Variants in TOM1 observed in about 807,000 individuals in gnomAD.
The protein encoded by TOM1 is target of Myb protein 1.
A neutral mutation model predicts 61.3 loss-of-function variants in TOM1; 38 were observed. The ratio of observed to expected loss-of-function variants is 0.62; its 90% CI spans 0.48 to 0.81. TOM1 has a LOEUF of 0.81. Among genes scored for constraint, TOM1 ranks in the 40% least tolerant of loss-of-function variants. TOM1 has a pLI of 0.00. For synonymous variants in TOM1, 270 were observed against 268.8 expected, an observed-to-expected ratio of 1.00 and a Z score of -0.04; for missense variants, 591 against 659.6, an observed-to-expected ratio of 0.90 and a Z score of 1.14.
chr22:35,329,613 C>T (rs1928640400), intron 7 of TOM1, among the ~76,000 whole-genome samples: 1 of 152,182 alleles, frequency 6.6e-6, no homozygotes, highest in African/African-American at 2.4e-5. Context: ...AACTCGAAAT[C>T]GAGGTTTGTG....
intron 9 of TOM1, 63 bp from the exon 10 acceptor site, chr22:35,333,341 T>C: frequency 6.7e-7 from 1 of 1,488,564 alleles, no homozygotes; most frequent in Non-Finnish European, 9.3e-7. Flanking sequence ...CCACAGTGCT[T>C]GGGGCAGAAA....
At chr22:35,343,968 A>G (rs1371425608) in intron 12 of TOM1, among the ~76,000 whole-genome samples, 1 of 148,978 alleles carries the variant, frequency 6.7e-6, no homozygotes, top group African/African-American at 2.5e-5. Context: ...ATCTATACCT[A>G]CACAACCTAC....
intron 6 of TOM1, among the ~76,000 whole-genome samples, chr22:35,324,845 C>G (rs1206934024): frequency 6.6e-6 from 1 of 152,256 alleles, no homozygotes; most frequent in East Asian, 1.9e-4. Flanking sequence ...CCACCACACC[C>G]AGCCAAGAAG....
chr22:35,321,888 C>T, intron 2 of TOM1, 71 bp from the exon 3 acceptor site: 1 of 1,325,582 alleles, frequency 7.5e-7, no homozygotes, highest in Non-Finnish European at 1.1e-6. Context: ...ACTGTTCCAA[C>T]TCTCCAGGGT....
intron 2 of TOM1, among the ~76,000 whole-genome samples, chr22:35,320,293 G>T (rs563938231): frequency 6.6e-6 from 1 of 152,310 alleles, no homozygotes; most frequent in East Asian, 1.9e-4. Flanking sequence ...AGCCTTCAGG[G>T]TGCAAGTGGG....
chr22:35,324,134 C>T (rs1203246878), intron 6 of TOM1, among the ~76,000 whole-genome samples: 1 of 152,228 alleles, frequency 6.6e-6, no homozygotes, highest in African/African-American at 2.4e-5. Context: ...GATCCAAGCT[C>T]ACGTCTGTCT....
intron 12 of TOM1, among the ~76,000 whole-genome samples, chr22:35,342,994 AC>A (rs1930028806): frequency 1.2e-5 from 1 of 82,834 alleles, no homozygotes; most frequent in South Asian, 4.0e-4. Context: ...ACACCTACAC[AC>A]CCCCACACCA....
chr22:35,317,380 G>A (rs527815449), intron 1 of TOM1, among the ~76,000 whole-genome samples: 2 of 152,086 alleles, frequency 1.3e-5, no homozygotes, highest in Admixed American at 6.5e-5. Flanking sequence ...GTAAAGACGG[G>A]GCTTCACCAT....
chr22:35,317,934 G>A lies in TOM1; in HGVS notation c.110G>A (p.Cys37Tyr). 1 of 1,614,106 alleles carries A rather than the reference G, an allele frequency of 6.2e-7. No individual in the cohort carries two copies. The stretch of plus-strand genomic sequence containing the variant: ...GACTGGGCCCTCAACATGGAGATCT[G>A]CGACATCATCAACGAGACGGAGGAA... The part of the protein sequence containing the change: ...SEDWALNMEI[C>Y]DIINETEEGP... The change falls in exon 2 of 15, where the codon TGC becomes TAC. Residue 37 changes from cysteine to tyrosine, a missense_variant. Coordinates refer to ENST00000449058, the MANE Select transcript of TOM1 (RefSeq NM_005488.3).
chr22:35,316,376 C>T (rs576074477), intron 1 of TOM1, among the ~76,000 whole-genome samples: 13 of 152,358 alleles, frequency 8.5e-5, no homozygotes, highest in Middle Eastern at 3.4e-3. Context: ...GTGGTTGACG[C>T]GTGAAGATAG....
At position 35,323,608 on chromosome 22, in the gene TOM1, C is replaced by CA. The variant is rs768268121; in HGVS notation, c.480dup (p.Pro161ThrfsTer24). On this transcript the variant is annotated frameshift_variant, in exon 5 of 15. Coordinates refer to ENST00000449058, the MANE Select transcript of TOM1 (RefSeq NM_005488.3). LOFTEE classifies it high-confidence loss of function. The surrounding 1 kb of genome is among the most constrained non-coding windows in gnomAD (Gnocchi z 4.2). ...CCCATGACTGACCTGGACATGCTGT[C>CA]ACCCATCCACACACCCCAGAGGGTG... 1 of 1,614,116 alleles carries CA rather than the reference C, an allele frequency of 6.2e-7. No homozygotes were observed. The highest frequency in any genetic ancestry group is 8.5e-7 in the Non-Finnish European group (1 of 1,180,032).
At chr22:35,305,570 A>G (rs1416722715) in intron 1 of TOM1, among the ~76,000 whole-genome samples, 1 of 151,998 alleles carries the variant, frequency 6.6e-6, no homozygotes, top group African/African-American at 2.4e-5. Context: ...TGAGGCAGGA[A>G]AATTACTTGA....
chr22:35,328,664 G>A (rs542685494), intron 7 of TOM1, among the ~76,000 whole-genome samples: 4 of 152,200 alleles, frequency 2.6e-5, no homozygotes, highest in Admixed American at 1.3e-4. Flanking sequence ...AAAGGCACCC[G>A]CCCTGTCCCC....
At position 35,330,356 on chromosome 22, in the gene TOM1, C is replaced by T. The variant is rs759098704; in HGVS notation, c.775C>T (p.Arg259Cys). ...CTTCCTTTCCTGGCAGGAGCTCAAC[C>T]GCACGTGCCGAGCCATGCAGCAGCG... ...ADLELLQELN[R>C]TCRAMQQRVL... The change falls in exon 8 of 15, where the codon CGC (arginine) becomes TGC (cysteine). Residue 259 changes from arginine (R) to cysteine (C), a missense_variant. Arg to Cys is a radical substitution (Grantham distance 180, BLOSUM62 -3). Coordinates refer to ENST00000449058, the MANE Select transcript of TOM1 (RefSeq NM_005488.3). 3.1e-6 allele frequency: 5 copies of T among 1,611,888 alleles called. No homozygotes were observed. Among genetic ancestry groups the T allele is most frequent in the Non-Finnish European group, 2.5e-6 (3 of 1,179,268 alleles).
Position 35,346,946 on chromosome 22 carries a change from A to C in TOM1, c.1301A>C (p.Glu434Ala). ...CCTTCCCAGGGTAATGATGCGGAAGAGCCTAAGGGGGTCACCAGCGAAGGT... is the reference window on the plus strand; with the variant it reads ...CCTTCCCAGGGTAATGATGCGGAAGCGCCTAAGGGGGTCACCAGCGAAGGT... ...LSTDVGNDAE[E>A]PKGVTSEEFD... Residue 434 changes from glutamate to alanine, a missense_variant, in exon 14 of 15, where the codon GAG (glutamate) becomes GCG (alanine). Coordinates refer to ENST00000449058, the MANE Select transcript of TOM1 (RefSeq NM_005488.3). The C allele has an allele frequency of 6.2e-7, 1 of 1,612,750 alleles. No individual in the cohort carries two copies. Among genetic ancestry groups the C allele is most frequent in the Admixed American group, 1.7e-5 (1 of 59,922 alleles).
At chr22:35,322,245 T>C in intron 3 of TOM1, 1 of 573,130 alleles carries the variant, frequency 1.7e-6, no homozygotes, top group East Asian at 2.9e-5. Context: ...TCCCCCAGCA[T>C]GGGAACAGAC....
At chr22:35,343,297 A>ACG (rs1930100774) in intron 12 of TOM1, among the ~76,000 whole-genome samples, 1 of 145,272 alleles carries the variant, frequency 6.9e-6, no homozygotes, top group African/African-American at 2.6e-5. Flanking sequence ...ACAGCCCTAC[A>ACG]CACCACACCT....
intron 2 of TOM1, among the ~76,000 whole-genome samples, chr22:35,320,047 A>C (rs956641689): frequency 3.3e-5 from 5 of 152,108 alleles, no homozygotes; most frequent in African/African-American, 1.2e-4. Flanking sequence ...CCCAGTGGCC[A>C]CTGGCCAGGC....
intron 2 of TOM1, 54 bp from the exon 3 acceptor site, chr22:35,321,905 T>C: frequency 6.9e-7 from 1 of 1,445,094 alleles, no homozygotes; most frequent in Non-Finnish European, 9.7e-7. Flanking sequence ...GGGTCTCTGG[T>C]GTTAGGTAAG....
Sources: allele counts gnomAD v4.1 joint callset (sites outside exome capture counted in the v4.1 genomes callset), GRCh38; gene constraint gnomAD v4.1.1; non-coding constraint Gnocchi (gnomAD v3.1); transcripts MANE v1.5; gene names NCBI Gene and HGNC (gene_info 2026-07-23, HGNC 2026-07-21).